Variants in AR observed in about 807,000 individuals in gnomAD.
AR encodes androgen receptor.
Under a neutral mutation model 53.9 loss-of-function variants are expected in AR, and 8 were observed. The observed-to-expected ratio is 0.15, with a 90% CI of 0.09 to 0.27. AR has a LOEUF of 0.27. Among genes scored for constraint, AR ranks in the 10% least tolerant of loss-of-function variants. AR has a pLI of 1.00. For synonymous variants in AR, 359 were observed against 316.4 expected (o/e 1.13, Z -1.43); for missense variants, 639 against 742.5 (o/e 0.86, Z 1.62).
Position 67,725,837 on chromosome X carries a change from G to A in AR, c.*1996G>A, listed in dbSNP as rs1412391948. ...TTTGCCACCCATGAACTCAGGGTGT[G>A]CCCTGGGACACTGGTTTTATATAGT... On this transcript the variant is annotated 3_prime_UTR_variant, in exon 8 of 8. Transcript: ENST00000374690. The A allele has an allele frequency of 5.7e-6, 1 of 174,060 alleles. No individual in the cohort carries two copies. Among genetic ancestry groups the A allele is most frequent in the Non-Finnish European group, 1.1e-5 (1 of 91,550 alleles). 14.3% of individuals were successfully genotyped at this position (174,060 alleles called of 1,213,427 possible).
chrX:67,694,932 G>C (rs1003108637), intron 3 of AR: 5 of 1,031,500 alleles, frequency 4.8e-6, no homozygotes, highest in Non-Finnish European at 6.2e-6. Context: ...TTGTGAGGAC[G>C]GGCTGTAGAA....
At chrX:67,581,032 A>G (rs1922273010) in intron 1 of AR, among the ~76,000 whole-genome samples, 1 of 112,138 alleles carries the variant, frequency 8.9e-6, no homozygotes, top group Non-Finnish European at 1.9e-5. Flanking sequence ...ATGAATCTTT[A>G]AAACAATGAC....
intron 2 of AR, among the ~76,000 whole-genome samples, chrX:67,673,776 C>T (rs1422160536): frequency 9.0e-6 from 1 of 110,733 alleles, no homozygotes; most frequent in Non-Finnish European, 1.9e-5. Flanking sequence ...TCTATTTTTC[C>T]AGGATTGCTA....
intron 3 of AR, among the ~76,000 whole-genome samples, chrX:67,687,274 A>T (rs2075971917): frequency 8.9e-6 from 1 of 112,014 alleles, no homozygotes; most frequent in South Asian, 3.8e-4. Flanking sequence ...ATCCTGGAGC[A>T]GGGCCATGTG....
chrX:67,678,325 G>T (rs1250754322), intron 2 of AR, among the ~76,000 whole-genome samples: 3 of 111,654 alleles, frequency 2.7e-5, no homozygotes, highest in African/African-American at 9.8e-5. Context: ...CTTAAAAATA[G>T]TTTACTATAA....
chrX:67,674,145 C>T (rs2075884203), intron 2 of AR, among the ~76,000 whole-genome samples: 1 of 109,805 alleles, frequency 9.1e-6, no homozygotes, highest in Admixed American at 9.7e-5. Flanking sequence ...CTCACTTTCC[C>T]CCAAACAAAT....
At chrX:67,652,967 G>A (rs779000084) in intron 2 of AR, among the ~76,000 whole-genome samples, 2 of 111,648 alleles carry the variant, frequency 1.8e-5, no homozygotes, top group Non-Finnish European at 3.8e-5. Context: ...ATAACCCAGA[G>A]AAGATTACAG....
At chrX:67,686,210 CT>C in intron 3 of AR, 84 bp downstream of exon 3, 1 of 1,002,500 alleles carries the variant, frequency 1.0e-6, no homozygotes, top group Non-Finnish European at 1.4e-6. Context: ...ACCAGATTTT[CT>C]TCTTTGATGC....
At chrX:67,618,557 G>A in intron 1 of AR, among the ~76,000 whole-genome samples, 1 of 111,553 alleles carries the variant, frequency 9.0e-6, no homozygotes, top group African/African-American at 3.3e-5. Flanking sequence ...GCCACATGGT[G>A]GATGGGAATC....
Position 67,726,425 on chromosome X carries a change from C to A in AR, c.*2584C>A, listed in dbSNP as rs1465705272. 1.7e-5 allele frequency: 3 copies of A among 173,830 alleles called. No individual in the cohort carries two copies. The highest frequency in any genetic ancestry group is 3.3e-5 in the Non-Finnish European group (3 of 91,096). The allele number at this position is 173,830 out of a possible 1,213,427, so 14.3% of individuals were successfully genotyped here. On this transcript the variant is annotated 3_prime_UTR_variant, in exon 8 of 8. Coordinates refer to ENST00000374690, the MANE Select transcript of AR (RefSeq NM_000044.6). ...TTGTGATACACAGATTGAATTATAT[C>A]ATTTTCATATCTCTCCTTGTAAATA...
intron 2 of AR, among the ~76,000 whole-genome samples, chrX:67,661,978 T>C (rs1569298502): frequency 8.9e-6 from 1 of 112,197 alleles, no homozygotes; most frequent in Non-Finnish European, 1.9e-5. Flanking sequence ...TTTATTTGCA[T>C]ACAGGTGTTT....
chrX:67,722,699 C>G, intron 6 of AR, 128 bp from the exon 7 acceptor site: 1 of 825,567 alleles, frequency 1.2e-6, no homozygotes, highest in South Asian at 2.2e-5. Flanking sequence ...CTTCAACTAA[C>G]AGGAAGCCAA....
At position 67,730,598 on chromosome X, in the gene AR, C is replaced by T; in HGVS notation, c.*6757C>T. On this transcript the variant is annotated 3_prime_UTR_variant, in exon 8 of 8. Coordinates refer to ENST00000374690, the MANE Select transcript of AR (RefSeq NM_000044.6). ...TATCATTGTTGTTAATTTGTTAAAA[C>T]ATAAAGAAATCTAAAATTTCAGATG... 6.0e-6 allele frequency: 1 copy of T among 167,494 alleles called. No individual in the cohort carries two copies. Among genetic ancestry groups the T allele is most frequent in the Non-Finnish European group, 1.2e-5 (1 of 86,386 alleles). The allele number at this position is 167,494 out of a possible 1,213,427, so 13.8% of individuals were successfully genotyped here.
chrX:67,546,664 C>T lies in AR; in HGVS notation c.1518C>T (p.Gly506=), dbSNP rs200470843. The T allele has an allele frequency of 8.3e-7, 1 of 1,206,625 alleles. No individual in the cohort carries two copies. The highest frequency in any genetic ancestry group is 1.8e-5 in the South Asian group (1 of 55,768). ...CCGCACCTGATGTGTGGTACCCTGG[C>T]GGCATGGTGAGCAGAGTGCCCTATC... is the stretch of plus-strand genomic sequence containing the variant. The part of the protein sequence containing the change: ...DFTAPDVWYP[G]GMVSRVPYPS... The change falls in exon 1 of 8, where the codon GGC becomes GGT. Residue 506 remains glycine (G), a synonymous_variant. Coordinates refer to ENST00000374690, the MANE Select transcript of AR (RefSeq NM_000044.6).
At chrX:67,612,618 A>C (rs949428208) in intron 1 of AR, among the ~76,000 whole-genome samples, 4 of 112,217 alleles carry the variant, frequency 3.6e-5, no homozygotes, top group African/African-American at 1.3e-4. Context: ...TATAGGCATG[A>C]CTTCTGGAAT....
chrX:67,567,060 TCACTATTCCA>T (rs1921585408), intron 1 of AR, among the ~76,000 whole-genome samples: 1 of 111,228 alleles, frequency 9.0e-6, no homozygotes, highest in African/African-American at 3.3e-5. Context: ...CCTGCTGTTT[TCACTATTCCA>T]CACCACTTCA....
chrX:67,724,028 T>G lies in AR; in HGVS notation c.*187T>G. ...TTTTTTCTCTTTCTCTCCTTTCTTTTTCTTCTTCCCTCCCTATCTAACCCT... is the reference window on the plus strand; with the variant it reads ...TTTTTTCTCTTTCTCTCCTTTCTTTGTCTTCTTCCCTCCCTATCTAACCCT... On this transcript the variant is annotated 3_prime_UTR_variant, in exon 8 of 8. Coordinates refer to ENST00000374690, the MANE Select transcript of AR (RefSeq NM_000044.6). 2 of 559,787 alleles carry G rather than the reference T, an allele frequency of 3.6e-6. No individual in the cohort carries two copies. Among genetic ancestry groups the G allele is most frequent in the Non-Finnish European group, 2.8e-6 (1 of 362,806 alleles). 46.1% of individuals were successfully genotyped at this position (559,787 alleles called of 1,213,427 possible).
At chrX:67,722,109 C>G (rs542771856) in intron 6 of AR, 146 bp downstream of exon 6, 3 of 692,382 alleles carry the variant, frequency 4.3e-6, no homozygotes. Flanking sequence ...ACTCTACTCT[C>G]TCTCAGCATC....
At chrX:67,690,027 C>G (rs143937419) in intron 3 of AR, among the ~76,000 whole-genome samples, 1,184 of 111,567 alleles carry the variant, frequency 0.011, 7 homozygotes, top group Non-Finnish European at 0.017. Flanking sequence ...CTCTTGAGTT[C>G]TCAGCATTTA....
Sources: gnomAD v4.1 joint callset for allele counts (sites outside exome capture counted in the v4.1 genomes callset) on GRCh38, gnomAD v4.1.1 for gene constraint, MANE v1.5 for transcripts, NCBI Gene and HGNC (gene_info 2026-07-23, HGNC 2026-07-21) for gene names.